RLF: variants seen among roughly 807,000 people sequenced by gnomAD.
RLF encodes zinc finger protein Rlf.
Under a neutral mutation model 162.9 loss-of-function variants are expected in RLF, and 7 were observed. That is an observed-to-expected ratio of 0.04 (90% CI 0.02 to 0.08). RLF has a LOEUF of 0.08. Ranked by LOEUF, RLF falls within the 10% of genes least tolerant of loss-of-function variation. The pLI, the probability that RLF is intolerant of heterozygous loss-of-function variation, is 1.00. For synonymous variants in RLF, 782 were observed against 791.5 expected, an observed-to-expected ratio of 0.99 and a Z score of 0.20; for missense variants, 1,664 against 2,244.7, an observed-to-expected ratio of 0.74 and a Z score of 5.23.
chr1:40,214,060 T>C (rs1198908364), intron 5 of RLF, among the ~76,000 whole-genome samples: 1 of 152,254 alleles, frequency 6.6e-6, no homozygotes, highest in Non-Finnish European at 1.5e-5. Flanking sequence ...GCCAAGGTGA[T>C]CCTTTTTCTT....
At chr1:40,199,057 TG>T (rs1263528293) in intron 4 of RLF, among the ~76,000 whole-genome samples, 1 of 152,238 alleles carries the variant, frequency 6.6e-6, no homozygotes, top group Non-Finnish European at 1.5e-5. Flanking sequence ...TGCTATGTGT[TG>T]GGCACTGTAT....
chr1:40,191,180 C>T (rs2124536155), intron 3 of RLF, among the ~76,000 whole-genome samples: 1 of 152,236 alleles, frequency 6.6e-6, no homozygotes, highest in Admixed American at 6.5e-5. Context: ...TTATTGGTAA[C>T]CTTCAATATA....
rs758432383 is a variant in RLF, at chr1:40,240,545, T to C, written c.*98T>C. On this transcript the variant is annotated 3_prime_UTR_variant, in exon 8 of 8. Transcript: ENST00000372771. ...GCTGAGAAGCAGCCACACCGTTGTTTAGGGTAGAATAGGCTGTGTATTTAC... is the reference window on the plus strand; with the variant it reads ...GCTGAGAAGCAGCCACACCGTTGTTCAGGGTAGAATAGGCTGTGTATTTAC... 5.1e-6 allele frequency: 4 copies of C among 788,120 alleles called. No homozygotes were observed. Among genetic ancestry groups the C allele is most frequent in the East Asian group, 2.5e-5 (1 of 39,408 alleles). The allele number at this position is 788,120 out of a possible 1,614,324, so 48.8% of individuals were successfully genotyped here.
In RLF at chr1:40,225,878, CAA is replaced by C. The variant is rs71577617; in HGVS notation, c.947+3193_947+3194del. ...TGGGTGACAGAGCGAGACTCCGTCG[CAA>C]AAAAAAAAAAAAAAAAAAAAAAAAG... On this transcript the variant is annotated intron_variant, in intron 6 of 7. Coordinates refer to ENST00000372771, the MANE Select transcript of RLF (RefSeq NM_012421.4). Among the ~76,000 whole-genome samples the C allele has an allele frequency of 4.7e-4, 7 of 14,802 alleles. No homozygotes were observed. The East Asian group carries it at 0.014, about 29-fold the overall frequency. The allele number at this position is 14,802 out of a possible 152,430, so 9.7% of individuals were successfully genotyped here.
In RLF at chr1:40,161,570, G is replaced by C; in HGVS notation, c.171G>C (p.Glu57Asp). The change falls in exon 1 of 8, where the codon GAG (glutamate) becomes GAC (aspartate). Residue 57 changes from glutamate to aspartate, a missense_variant. Around this residue, in one of 15 missense-constraint regions of RLF, gnomAD observed 134 missense variants for 124.3 expected, o/e 1.08. Transcript: ENST00000372771. This position sits in a 1 kb window ranked among gnomAD's most constrained non-coding sequence, Gnocchi z 4.4. Reference sequence around the variant, plus strand: ...TGCGGCCGTGTCTGTGGCAGCTGGAGACAGAGCTGAGGGAGCAAGAGGTGT... The same window carrying C: ...TGCGGCCGTGTCTGTGGCAGCTGGACACAGAGCTGAGGGAGCAAGAGGTGT... Reference protein sequence around the residue: ...SGLRPCLWQLETELREQEVSE... With the variant: ...SGLRPCLWQLDTELREQEVSE... 1.2e-6 allele frequency: 2 copies of C among 1,612,656 alleles called. No homozygotes were observed. The highest frequency in any genetic ancestry group is 1.7e-6 in the Non-Finnish European group (2 of 1,179,404).
At chr1:40,200,781 A>G (rs1642701064) in intron 4 of RLF, among the ~76,000 whole-genome samples, 1 of 148,688 alleles carries the variant, frequency 6.7e-6, no homozygotes. Context: ...TCTTTATATT[A>G]TTTTAAAGGA....
intron 4 of RLF, among the ~76,000 whole-genome samples, chr1:40,198,817 GAT>G (rs1439434935): frequency 6.6e-6 from 1 of 152,136 alleles, no homozygotes; most frequent in East Asian, 1.9e-4. Flanking sequence ...GAAGAAATGA[GAT>G]ACAGAAAGGA....
intron 6 of RLF, among the ~76,000 whole-genome samples, chr1:40,224,725 G>A (rs769018376): frequency 2.3e-5 from 3 of 130,606 alleles, no homozygotes; most frequent in African/African-American, 8.8e-5. Flanking sequence ...CATGGCTCAT[G>A]CCTGTAATCT....
chr1:40,222,297 T>C (rs1643010982), intron 5 of RLF, among the ~76,000 whole-genome samples: 1 of 152,232 alleles, frequency 6.6e-6, no homozygotes, highest in South Asian at 2.1e-4. Flanking sequence ...GATTATTATA[T>C]ATAATTTGAC....
At chr1:40,209,835 C>T (rs1642843971) in intron 5 of RLF, among the ~76,000 whole-genome samples, 1 of 151,196 alleles carries the variant, frequency 6.6e-6, no homozygotes. Flanking sequence ...CAGGATCGTG[C>T]CATTTGCACT....
chr1:40,233,655 T>G (rs1643181821), intron 7 of RLF, among the ~76,000 whole-genome samples: 1 of 152,208 alleles, frequency 6.6e-6, no homozygotes, highest in South Asian at 2.1e-4. Flanking sequence ...AGGCCACTAC[T>G]GTTGTGGGAA....
At position 40,173,073 on chromosome 1, in the gene RLF, G is replaced by GTTTT. The variant is rs765020752; in HGVS notation, c.237+11452_237+11455dup. 9.3e-5 allele frequency among the ~76,000 whole-genome samples: 12 copies of GTTTT among 129,004 alleles called. 1 individual carries two copies. Among genetic ancestry groups the GTTTT allele is most frequent in the South Asian group, 2.4e-4 (1 of 4,112 alleles). 84.6% of individuals were successfully genotyped at this position (129,004 alleles called of 152,430 possible). On this transcript the variant is annotated intron_variant, in intron 1 of 7. Coordinates refer to ENST00000372771, the MANE Select transcript of RLF (RefSeq NM_012421.4). ...TAATTTGCATTTTAGTAACATTCAG[G>GTTTT]TTTTTTTTTTTTTTTTTTGTGAGGC...
chr1:40,165,168 A>G (rs1642148309), intron 1 of RLF, among the ~76,000 whole-genome samples: 1 of 152,216 alleles, frequency 6.6e-6, no homozygotes, highest in South Asian at 2.1e-4. Context: ...TAGCTTTGTA[A>G]TAAAAAGTTT....
intron 6 of RLF, among the ~76,000 whole-genome samples, chr1:40,229,012 C>T (rs1320705950): frequency 1.3e-5 from 2 of 152,108 alleles, no homozygotes; most frequent in Admixed American, 1.3e-4. Context: ...CTGCGTTGCT[C>T]AGGCTGGTCT....
chr1:40,220,708 T>G (rs2124552772), intron 5 of RLF, among the ~76,000 whole-genome samples: 1 of 152,334 alleles, frequency 6.6e-6, no homozygotes, highest in Middle Eastern at 3.4e-3. Context: ...CACATACATT[T>G]TGATATGGCT....
intron 3 of RLF, among the ~76,000 whole-genome samples, chr1:40,193,172 A>G (rs1199912650): frequency 6.6e-6 from 1 of 150,520 alleles, no homozygotes; most frequent in Non-Finnish European, 1.5e-5. Flanking sequence ...TTATTTCTGT[A>G]TTGTAGATTT....
chr1:40,187,828 G>A (rs562500348), intron 1 of RLF, among the ~76,000 whole-genome samples: 43 of 152,218 alleles, frequency 2.8e-4, no homozygotes, highest in African/African-American at 1.0e-3. Context: ...AGAATCCTGC[G>A]CTACTATTGT....
At chr1:40,179,664 A>G (rs1015513842) in intron 1 of RLF, among the ~76,000 whole-genome samples, 3 of 150,686 alleles carry the variant, frequency 2.0e-5, no homozygotes, top group Admixed American at 2.0e-4. Flanking sequence ...TTGTTGTGCA[A>G]CCATTACCTC....
At chr1:40,210,519 G>A (rs974705479) in intron 5 of RLF, among the ~76,000 whole-genome samples, 2 of 152,156 alleles carry the variant, frequency 1.3e-5, no homozygotes, top group African/African-American at 4.8e-5. Context: ...GACCTGTTGG[G>A]GTTGGAAAAG....
Sources: allele counts gnomAD v4.1 joint callset (sites outside exome capture counted in the v4.1 genomes callset), GRCh38; gene constraint gnomAD v4.1.1; regional missense constraint gnomAD v4.1.1; non-coding constraint Gnocchi (gnomAD v3.1); transcripts MANE v1.5; gene names NCBI Gene and HGNC (gene_info 2026-07-23, HGNC 2026-07-21).